The following STK3 variants were observed in gnomAD, a reference collection of about 807,000 sequenced individuals.
STK3 encodes the protein serine/threonine-protein kinase 3.
A neutral mutation model predicts 58.0 loss-of-function variants in STK3; 41 were observed. That is an observed-to-expected ratio of 0.71 (90% CI 0.55 to 0.92). The LOEUF (loss-of-function observed/expected upper bound fraction) is 0.92, where lower values mean the gene tolerates loss of function less well. Among genes scored for constraint, STK3 ranks in the 40% least tolerant of loss-of-function variants. The pLI, the probability that STK3 is intolerant of heterozygous loss-of-function variation, is 0.00. For missense variants in STK3, 479 were observed against 602.7 expected (o/e 0.79, Z 2.15); for synonymous variants, 170 against 191.0 (o/e 0.89, Z 0.91).
intron 10 of STK3, among the ~76,000 whole-genome samples, chr8:98,508,649 A>G (rs1044742435): frequency 6.6e-6 from 1 of 152,210 alleles, no homozygotes; most frequent in Non-Finnish European, 1.5e-5. Context: ...TTATATCTCA[A>G]TAAAGTTTTT....
chr8:98,807,535 G>C (rs1481379677), intron 1 of STK3, among the ~76,000 whole-genome samples: 3 of 152,146 alleles, frequency 2.0e-5, no homozygotes, highest in Non-Finnish European at 2.9e-5. Flanking sequence ...TGGGATTACA[G>C]GTGTGAGCCA....
chr8:98,429,185 G>T, intron 3 of STK3: 1 of 1,613,892 alleles, frequency 6.2e-7, no homozygotes, highest in Non-Finnish European at 8.5e-7. Context: ...TCCTCGTGGT[G>T]GTCCTGCCCA....
chr8:98,685,805 G>T (rs1028964611), intron 6 of STK3, among the ~76,000 whole-genome samples: 3 of 151,798 alleles, frequency 2.0e-5, no homozygotes. Flanking sequence ...GGGGGTGAGG[G>T]GAGAGTATTC....
intron 6 of STK3, chr8:98,598,251 G>C: frequency 1.0e-6 from 1 of 985,344 alleles, no homozygotes; most frequent in Non-Finnish European, 1.2e-6. Flanking sequence ...CTTATCTTGA[G>C]ATAATCTTAA....
At chr8:98,846,940 A>G (rs1238621413) in intron 3 of STK3, among the ~76,000 whole-genome samples, 1 of 152,092 alleles carries the variant, frequency 6.6e-6, no homozygotes, top group Admixed American at 6.6e-5. Context: ...TTTTTCTTCC[A>G]CAAATGAAAA....
chr8:98,354,479 A>G, the STK3 span, among the ~76,000 whole-genome samples: 3 of 152,224 alleles, frequency 2.0e-5, no homozygotes, highest in African/African-American at 4.8e-5. Flanking sequence ...CAGAGCAGAG[A>G]AAACTAGGGG....
In STK3 at chr8:98,643,551, C is replaced by T. The variant is rs117432718; in HGVS notation, c.685-47382G>A. Among the ~76,000 whole-genome samples, 1,169 of 152,308 alleles carry T rather than the reference C, an allele frequency of 7.7e-3. 8 individuals carry two copies. The highest frequency in any genetic ancestry group is 0.011 in the Non-Finnish European group (717 of 68,030). On this transcript the variant is annotated intron_variant, in intron 6 of 10. Transcript: ENST00000419617. ...AAAGTACAATCAGACCTTCATACTC[C>T]CTAATCACCATCCAATGATATATTT...
chr8:98,888,058 C>T (rs180877167), intron 1 of STK3, among the ~76,000 whole-genome samples: 1 of 152,162 alleles, frequency 6.6e-6, no homozygotes, highest in African/African-American at 2.4e-5. Flanking sequence ...GTGGCTGACA[C>T]CTGTAATCCC....
At chr8:98,903,624 C>T (rs1282777656) in intron 1 of STK3, among the ~76,000 whole-genome samples, 1 of 150,460 alleles carries the variant, frequency 6.6e-6, no homozygotes, top group Non-Finnish European at 1.5e-5. Context: ...CAATAGCAGC[C>T]CAACTGCTGG....
intron 10 of STK3, 154 bp downstream of exon 10, chr8:98,526,588 C>G: frequency 1.8e-6 from 1 of 566,920 alleles, no homozygotes. Context: ...CACAATTTCT[C>G]TAACCATGTA....
intron 4 of STK3, among the ~76,000 whole-genome samples, chr8:98,727,186 C>T (rs1025776870): frequency 6.6e-6 from 1 of 152,228 alleles, no homozygotes; most frequent in Non-Finnish European, 1.5e-5. Flanking sequence ...ATTGTAATGG[C>T]CACAATGATT....
chr8:98,696,290 T>C (rs1824917140), intron 6 of STK3, among the ~76,000 whole-genome samples: 1 of 152,154 alleles, frequency 6.6e-6, no homozygotes. Flanking sequence ...TATACAATCA[T>C]GTCATCTGCA....
intron 1 of STK3, among the ~76,000 whole-genome samples, chr8:98,448,945 A>G (rs1395596106): frequency 6.6e-6 from 1 of 151,896 alleles, no homozygotes; most frequent in Non-Finnish European, 1.5e-5. Flanking sequence ...ACAGAGAGGT[A>G]GATTTTTTTA....
At chr8:98,508,326 C>G (rs545791582) in intron 10 of STK3, among the ~76,000 whole-genome samples, 1 of 152,244 alleles carries the variant, frequency 6.6e-6, no homozygotes, top group South Asian at 2.1e-4. Context: ...AGTCACCCTG[C>G]TGTAATAATC....
intron 3 of STK3, among the ~76,000 whole-genome samples, chr8:98,859,510 C>T (rs1178025991): frequency 2.0e-5 from 3 of 152,158 alleles, no homozygotes. Flanking sequence ...GTCACTGAGG[C>T]TGCTTTTTAA....
Position 98,767,094 on chromosome 8 carries a change from C to T in STK3, c.236+149G>A, listed in dbSNP as rs1482609799. The T allele has an allele frequency of 6.4e-6, 6 of 935,180 alleles. No individual in the cohort carries two copies. In the African/African-American group the frequency reaches 1.0e-4, roughly 16 times the overall value. 57.9% of individuals were successfully genotyped at this position (935,180 alleles called of 1,614,324 possible). ...CGAGATGGCGCCATTGCACTCCAGCCTGGGCAACAACGGCAAAACCCTGTC... is the reference window on the plus strand; with the variant it reads ...CGAGATGGCGCCATTGCACTCCAGCTTGGGCAACAACGGCAAAACCCTGTC... On this transcript the variant is annotated intron_variant, in intron 3 of 10. Coordinates refer to ENST00000419617, the MANE Select transcript of STK3 (RefSeq NM_006281.4).
chr8:98,834,855 A>G (rs1281301962), intron 3 of STK3, among the ~76,000 whole-genome samples: 3 of 152,256 alleles, frequency 2.0e-5, no homozygotes, highest in Non-Finnish European at 2.9e-5. Context: ...ATGATTAAGT[A>G]TAGAGTTTAC....
chr8:98,548,879 T>A (rs1029967911), intron 8 of STK3, among the ~76,000 whole-genome samples: 1 of 152,188 alleles, frequency 6.6e-6, no homozygotes, highest in Admixed American at 6.5e-5. Context: ...AGTGGAATCA[T>A]ACAATATATT....
intron 10 of STK3, among the ~76,000 whole-genome samples, chr8:98,495,380 A>C (rs150502107): frequency 9.2e-5 from 14 of 152,078 alleles, no homozygotes; most frequent in African/African-American, 2.6e-4. Context: ...TTTTTTCCTG[A>C]AAGTCTGTGA....
Sources: allele counts gnomAD v4.1 joint callset (sites outside exome capture counted in the v4.1 genomes callset), GRCh38; gene constraint gnomAD v4.1.1; transcripts MANE v1.5; gene names NCBI Gene and HGNC (gene_info 2026-07-23, HGNC 2026-07-21).